DOCK9: variants seen among roughly 807,000 people sequenced by gnomAD.
DOCK9 encodes dedicator of cytokinesis 9, also known as dedicator of cytokinesis protein 9.
Under a neutral mutation model 263.3 loss-of-function variants are expected in DOCK9, and 89 were observed. The observed-to-expected ratio is 0.34, with a 90% confidence interval of 0.28 to 0.40. The LOEUF (loss-of-function observed/expected upper bound fraction) is 0.40, where lower values mean the gene tolerates loss of function less well. Ranked by LOEUF, DOCK9 falls within the 10% of genes least tolerant of loss-of-function variation. The pLI is 1.00. For missense variants in DOCK9, 2,140 were observed against 2,603.4 expected (o/e 0.82, Z 3.87); for synonymous variants, 976 against 973.1 (o/e 1.00, Z -0.06).
intron 2 of DOCK9, among the ~76,000 whole-genome samples, chr13:98,942,083 C>G (rs2055955144): frequency 6.6e-6 from 1 of 152,318 alleles, no homozygotes; most frequent in African/African-American, 2.4e-5. Context: ...AATCTTGGGT[C>G]CTGTCACTAC....
chr13:99,057,114 T>C (rs970524424), intron 1 of DOCK9, among the ~76,000 whole-genome samples: 13 of 152,300 alleles, frequency 8.5e-5, no homozygotes, highest in East Asian at 1.9e-4. Flanking sequence ...GAGAGGATCT[T>C]GAAGGCTGGG....
chr13:98,873,969 C>T (rs1180530162), intron 27 of DOCK9, among the ~76,000 whole-genome samples: 1 of 152,152 alleles, frequency 6.6e-6, no homozygotes, highest in Non-Finnish European at 1.5e-5. Flanking sequence ...GCCTTTCTTC[C>T]CCCACTCAAG....
chr13:98,888,108 A>G (rs2046067855), intron 18 of DOCK9, 50 bp downstream of exon 18: 2 of 1,357,640 alleles, frequency 1.5e-6, no homozygotes, highest in African/African-American at 2.9e-5. Flanking sequence ...GCATTTTGAA[A>G]ATGGAAAAAT....
intron 1 of DOCK9, among the ~76,000 whole-genome samples, chr13:98,995,845 T>C (rs1483482555): frequency 6.6e-6 from 1 of 152,136 alleles, no homozygotes; most frequent in East Asian, 1.9e-4. Flanking sequence ...GTGGCTGAGT[T>C]AGTGCAAATT....
chr13:98,878,471 T>C (rs771244708), intron 27 of DOCK9, among the ~76,000 whole-genome samples: 7 of 152,256 alleles, frequency 4.6e-5, no homozygotes, highest in African/African-American at 9.6e-5. Flanking sequence ...TCCACTTTTT[T>C]AGCTCCCACA....
chr13:98,943,745 C>A (rs1430550845), intron 2 of DOCK9, among the ~76,000 whole-genome samples: 4 of 151,418 alleles, frequency 2.6e-5, no homozygotes, highest in African/African-American at 7.3e-5. Flanking sequence ...CTATGGTTTA[C>A]AATTTAAAAA....
chr13:98,927,954 A>T (rs1246500577), intron 3 of DOCK9, among the ~76,000 whole-genome samples: 1 of 151,450 alleles, frequency 6.6e-6, no homozygotes, highest in East Asian at 1.9e-4. Flanking sequence ...GGGGAAAATA[A>T]TTACAGTTTA....
intron 2 of DOCK9, among the ~76,000 whole-genome samples, chr13:98,952,764 T>A (rs2057591195): frequency 6.6e-6 from 1 of 152,198 alleles, no homozygotes; most frequent in African/African-American, 2.4e-5. Flanking sequence ...CCACTATCCA[T>A]GCTTATATTT....
intron 9 of DOCK9, among the ~76,000 whole-genome samples, chr13:98,910,167 T>A (rs994704354): frequency 5.3e-5 from 8 of 152,200 alleles, no homozygotes; most frequent in Admixed American, 2.0e-4. Flanking sequence ...ACCTAAGATA[T>A]AAATGTAACC....
At chr13:99,022,212 T>A (rs1163750028) in intron 1 of DOCK9, among the ~76,000 whole-genome samples, 1 of 152,134 alleles carries the variant, frequency 6.6e-6, no homozygotes, top group Non-Finnish European at 1.5e-5. Context: ...GACGGGCAGG[T>A]CCAGAGGGCA....
chr13:98,951,921 G>A (rs1242841855), intron 2 of DOCK9, among the ~76,000 whole-genome samples: 1 of 59,146 alleles, frequency 1.7e-5, no homozygotes. Flanking sequence ...TTTTGAGATG[G>A]AGTTTTCCTC....
chr13:98,858,061 T>C (rs1389161117), intron 33 of DOCK9: 3 of 152,014 alleles, frequency 2.0e-5, no homozygotes, highest in Non-Finnish European at 4.4e-5. Context: ...AGTCTCAAGC[T>C]TGATTCCAGA....
chr13:98,804,377 G>A (rs936159654), intron 49 of DOCK9, among the ~76,000 whole-genome samples: 2 of 152,220 alleles, frequency 1.3e-5, no homozygotes, highest in African/African-American at 2.4e-5. Flanking sequence ...GGGAAATGAT[G>A]CAAAACACAT....
At chr13:98,917,525 C>T (rs1228060930) in intron 7 of DOCK9, among the ~76,000 whole-genome samples, 1 of 152,122 alleles carries the variant, frequency 6.6e-6, no homozygotes, top group Non-Finnish European at 1.5e-5. Context: ...GGCTGAATTG[C>T]CAGCTAAGAG....
intron 1 of DOCK9, among the ~76,000 whole-genome samples, chr13:98,989,931 C>A (rs1879427250): frequency 6.6e-6 from 1 of 152,176 alleles, no homozygotes; most frequent in Non-Finnish European, 1.5e-5. Flanking sequence ...GTCTACAGAG[C>A]AGTACAATAT....
rs757006510 is a variant in DOCK9 at position 98,977,862 on chromosome 13, T to C, written c.48A>G (p.Glu16=). 8.0e-5 allele frequency: 129 copies of C among 1,604,706 alleles called. No individual in the cohort carries two copies. Among genetic ancestry groups the C allele is most frequent in the Admixed American group, 1.9e-4 (11 of 58,694 alleles). The change falls in exon 1 of 53, where the codon GAA becomes GAG. Residue 16 remains glutamate, a synonymous_variant. Coordinates refer to ENST00000682017, the MANE Select transcript of DOCK9 (RefSeq NM_001366683.2). The stretch of plus-strand genomic sequence containing the variant: ...ATTGCAGGGGGGACTCAATCACCAG[T>C]TCCTTTTTGACACTTCTACTACTTG... ...CRTSSRSVKK[E]LVIESPLQYK...
chr13:98,887,508 C>T (rs2045949697), intron 18 of DOCK9, among the ~76,000 whole-genome samples: 3 of 144,960 alleles, frequency 2.1e-5, no homozygotes, highest in Non-Finnish European at 3.0e-5. Context: ...CCCAGCTACT[C>T]GGGAGGCTGA....
At chr13:99,087,541 G>A (rs2042375346), upstream of DOCK9, among the ~76,000 whole-genome samples, 3 of 152,130 alleles carry the variant, frequency 2.0e-5, no homozygotes, top group East Asian at 5.8e-4. Flanking sequence ...GGCCGCTAGC[G>A]ACAGCCACCC....
At chr13:98,934,819 T>G (rs1262855627) in intron 2 of DOCK9, among the ~76,000 whole-genome samples, 1 of 152,218 alleles carries the variant, frequency 6.6e-6, no homozygotes, top group African/African-American at 2.4e-5. Flanking sequence ...CTACTGATCA[T>G]TTAAGGACTC....
Sources: allele counts gnomAD v4.1 joint callset (sites outside exome capture counted in the v4.1 genomes callset), GRCh38; gene constraint gnomAD v4.1.1; transcripts MANE v1.5; gene names NCBI Gene and HGNC (gene_info 2026-07-23, HGNC 2026-07-21).